Variants in ATE1 observed in about 807,000 individuals in gnomAD.
The protein encoded by ATE1 is arginyl-tRNA--protein transferase 1.
ATE1 carries 36 observed loss-of-function variants against 70.5 expected under a neutral mutation model. That is an observed-to-expected ratio of 0.51 (90% CI 0.39 to 0.67). The LOEUF (loss-of-function observed/expected upper bound fraction) is 0.67, where lower values mean the gene tolerates loss of function less well. Ranked by LOEUF, ATE1 falls within the 30% of genes least tolerant of loss-of-function variation. ATE1 has a pLI of 0.00. For missense variants in ATE1, 593 were observed against 629.5 expected (o/e 0.94, Z 0.62); for synonymous variants, 232 against 219.3 (o/e 1.06, Z -0.51).
chr10:121,912,880 G>A (rs1041787247), intron 4 of ATE1, among the ~76,000 whole-genome samples: 12 of 133,698 alleles, frequency 9.0e-5, no homozygotes, highest in East Asian at 2.4e-4. Flanking sequence ...GACTACGGGC[G>A]TGCACCACGA....
chr10:121,753,243 T>C (rs904536364), intron 11 of ATE1, among the ~76,000 whole-genome samples: 2 of 152,228 alleles, frequency 1.3e-5, no homozygotes, highest in African/African-American at 2.4e-5. Context: ...TACAAGGTCA[T>C]GTCATCTGAG....
At chr10:121,753,376 T>A (rs541555581) in intron 11 of ATE1, among the ~76,000 whole-genome samples, 1 of 152,312 alleles carries the variant, frequency 6.6e-6, no homozygotes, top group Non-Finnish European at 1.5e-5. Flanking sequence ...TTAGTTAAAC[T>A]CATGATATGT....
At chr10:121,774,139 C>G (rs1207913216) in intron 11 of ATE1, among the ~76,000 whole-genome samples, 1 of 152,020 alleles carries the variant, frequency 6.6e-6, no homozygotes, top group Admixed American at 6.6e-5. Context: ...GCAAGAGAGC[C>G]TTTGGTTTAT....
At chr10:121,824,745 T>C (rs1947938873) in intron 10 of ATE1, among the ~76,000 whole-genome samples, 1 of 152,164 alleles carries the variant, frequency 6.6e-6, no homozygotes, top group African/African-American at 2.4e-5. Flanking sequence ...CAAAATACCT[T>C]CTTCAGATCA....
intron 3 of ATE1, among the ~76,000 whole-genome samples, chr10:121,916,593 T>G (rs939159009): frequency 5.3e-5 from 8 of 152,074 alleles, no homozygotes; most frequent in Non-Finnish European, 1.0e-4. Flanking sequence ...CCCAACACTT[T>G]GGGAGGCTGA....
intron 10 of ATE1, among the ~76,000 whole-genome samples, chr10:121,833,475 T>G (rs1307739356): frequency 6.6e-6 from 1 of 152,136 alleles, no homozygotes; most frequent in Non-Finnish European, 1.5e-5. Flanking sequence ...TAGATTCTCA[T>G]GGAATGTATG....
chr10:121,875,144 A>C (rs1950002445), intron 7 of ATE1, among the ~76,000 whole-genome samples: 1 of 149,942 alleles, frequency 6.7e-6, no homozygotes, highest in African/African-American at 2.4e-5. Context: ...GTCTCAAAAA[A>C]AAAAAAAAAA....
Position 121,743,868 on chromosome 10 carries a change from C to CA in ATE1, c.1379-11dup, listed in dbSNP as rs749828603. On this transcript the variant is annotated splice_polypyrimidine_tract_variant and intron_variant, in intron 11 of 11. Coordinates refer to ENST00000224652, the MANE Select transcript of ATE1 (RefSeq NM_001001976.3). ...CTGCGATCCTCATCCACTGCAACGACAAAAAATACTGATTTGTAAAATGTC... is the reference window on the plus strand; with the variant it reads ...CTGCGATCCTCATCCACTGCAACGACAAAAAAATACTGATTTGTAAAATGTC... The CA allele has an allele frequency of 4.2e-6, 6 of 1,427,096 alleles. No individual in the cohort carries two copies. Among genetic ancestry groups the CA allele is most frequent in the African/African-American group, 1.5e-5 (1 of 67,012 alleles). The allele number at this position is 1,427,096 out of a possible 1,614,324, so 88.4% of individuals were successfully genotyped here. A position where few individuals can be genotyped will look rare whatever the true frequency, so the allele number is the denominator to read the frequency against.
upstream of ATE1, chr10:121,928,458 G>A: frequency 6.6e-7 from 1 of 1,510,186 alleles, no homozygotes; most frequent in Admixed American, 2.2e-5. Flanking sequence ...CGCTCGGGCC[G>A]ACCACGCCTC....
At position 121,743,529 on chromosome 10, in the gene ATE1, G is replaced by T; in HGVS notation, c.*151C>A. On this transcript the variant is annotated 3_prime_UTR_variant, in exon 12 of 12. Transcript: ENST00000224652. ...ACTATGAGATTCTCACAGATACATT[G>T]CCACAAAATATTTTTTAAAAGCCAT... 7.6e-7 allele frequency: 1 copy of T among 1,317,866 alleles called. No individual in the cohort carries two copies. The highest frequency in any genetic ancestry group is 9.7e-7 in the Non-Finnish European group (1 of 1,032,946). 81.6% of individuals were successfully genotyped at this position (1,317,866 alleles called of 1,614,324 possible). A position where few individuals can be genotyped will look rare whatever the true frequency, so the allele number is the denominator to read the frequency against.
At chr10:121,859,255 A>AT (rs375361710) in intron 8 of ATE1, among the ~76,000 whole-genome samples, 1,432 of 66,182 alleles carry the variant, frequency 0.022, 17 homozygotes, top group Middle Eastern at 0.045. Flanking sequence ...ATTTTATTTT[A>AT]TTTTATTTTT....
At chr10:121,848,189 A>C (rs1326101491) in intron 8 of ATE1, among the ~76,000 whole-genome samples, 1 of 152,208 alleles carries the variant, frequency 6.6e-6, no homozygotes, top group East Asian at 1.9e-4. Context: ...AAAACCTACA[A>C]GTCAAAAGCT....
chr10:121,913,500 G>A (rs1222014783), intron 4 of ATE1, among the ~76,000 whole-genome samples: 1 of 152,186 alleles, frequency 6.6e-6, no homozygotes, highest in African/African-American at 2.4e-5. Flanking sequence ...GATCAAGAAA[G>A]ATGAGTTATC....
chr10:121,868,619 C>G (rs552900222), intron 8 of ATE1, among the ~76,000 whole-genome samples: 2 of 152,134 alleles, frequency 1.3e-5, no homozygotes, highest in Non-Finnish European at 2.9e-5. Context: ...ATTTTAATAT[C>G]CCTGTAAGTA....
chr10:121,762,016 A>G (rs931283978), intron 11 of ATE1, among the ~76,000 whole-genome samples: 9 of 152,160 alleles, frequency 5.9e-5, no homozygotes, highest in Non-Finnish European at 1.2e-4. Flanking sequence ...TCTATTTTAA[A>G]GTGTATCTTG....
intron 8 of ATE1, among the ~76,000 whole-genome samples, chr10:121,869,108 A>G (rs902547356): frequency 2.0e-5 from 3 of 152,224 alleles, no homozygotes; most frequent in African/African-American, 7.2e-5. Flanking sequence ...GGAGAACACA[A>G]AATAGTGCCA....
chr10:121,750,711 C>T (rs1944544804), intron 11 of ATE1, among the ~76,000 whole-genome samples: 1 of 152,200 alleles, frequency 6.6e-6, no homozygotes, highest in African/African-American at 2.4e-5. Context: ...AAAGTCTATT[C>T]TCTTAACTTC....
At chr10:121,789,296 C>CTGTTTTT (rs1946336833) in intron 11 of ATE1, among the ~76,000 whole-genome samples, 1 of 92,684 alleles carries the variant, frequency 1.1e-5, no homozygotes, top group Non-Finnish European at 2.0e-5. Flanking sequence ...CAGGGCTATG[C>CTGTTTTT]TTTTTTTTTT....
chr10:121,744,285 G>A (rs1217447059), intron 11 of ATE1, among the ~76,000 whole-genome samples: 1 of 151,960 alleles, frequency 6.6e-6, no homozygotes, highest in East Asian at 1.9e-4. Context: ...AGATATCTTT[G>A]ATGAGTATGT....
Sources: allele counts gnomAD v4.1 joint callset (sites outside exome capture counted in the v4.1 genomes callset), GRCh38; gene constraint gnomAD v4.1.1; transcripts MANE v1.5; gene names NCBI Gene and HGNC (gene_info 2026-07-23, HGNC 2026-07-21).